Variants in CEMIP observed in about 807,000 individuals in gnomAD.
CEMIP encodes the protein cell migration-inducing and hyaluronan-binding protein.
Under a neutral mutation model 156.9 loss-of-function variants are expected in CEMIP, and 105 were observed. That is an observed-to-expected ratio of 0.67 (90% CI 0.57 to 0.79). The LOEUF is 0.79. Ranked by LOEUF, CEMIP falls within the 30% of genes least tolerant of loss-of-function variation. The pLI, the probability that CEMIP is intolerant of heterozygous loss-of-function variation, is 0.00. For missense variants in CEMIP, 1,457 were observed against 1,769.4 expected, an observed-to-expected ratio of 0.82 and a Z score of 3.17; for synonymous variants, 676 against 668.4, an observed-to-expected ratio of 1.01 and a Z score of -0.17.
At position 80,906,567 on chromosome 15, in the gene CEMIP, G is replaced by A. The variant is rs1485456526; in HGVS notation, c.1412-96G>A. 6 of 1,236,092 alleles carry A rather than the reference G, an allele frequency of 4.9e-6. No homozygotes were observed. The highest frequency in any genetic ancestry group is 1.5e-5 in the African/African-American group (1 of 67,014). 76.6% of individuals were successfully genotyped at this position (1,236,092 alleles called of 1,614,324 possible). ...CACTGTGCACACCAGGCATGGCGAT[G>A]AGTAAGCAGCAGCCATGGAGGCACC... On this transcript the variant is annotated intron_variant, in intron 12 of 29. Transcript: ENST00000394685. This position sits in a 1 kb window ranked among gnomAD's most constrained non-coding sequence, Gnocchi z 4.3.
intron 1 of CEMIP, among the ~76,000 whole-genome samples, chr15:80,840,401 A>G (rs1320599681): frequency 6.6e-6 from 1 of 152,110 alleles, no homozygotes; most frequent in East Asian, 1.9e-4. Context: ...CCTTCCTGGC[A>G]GGGACCCCGG....
At chr15:80,799,150 T>G (rs1896308531) in intron 1 of CEMIP, among the ~76,000 whole-genome samples, 1 of 152,242 alleles carries the variant, frequency 6.6e-6, no homozygotes, top group Non-Finnish European at 1.5e-5. Context: ...ACTTCACAGA[T>G]TCCATCTTAG....
At chr15:80,817,659 G>A (rs1334710750) in intron 1 of CEMIP, among the ~76,000 whole-genome samples, 1 of 149,808 alleles carries the variant, frequency 6.7e-6, no homozygotes, top group Non-Finnish European at 1.5e-5. Flanking sequence ...TAGAAGCAGA[G>A]AGGATTATGG....
chr15:80,823,685 G>A (rs376434325), intron 1 of CEMIP, among the ~76,000 whole-genome samples: 1 of 152,152 alleles, frequency 6.6e-6, no homozygotes, highest in South Asian at 2.1e-4. Context: ...CCAGGTATGG[G>A]TAAATCTTAA....
intron 10 of CEMIP, among the ~76,000 whole-genome samples, chr15:80,890,842 C>G (rs1315935471): frequency 2.0e-5 from 3 of 152,190 alleles, no homozygotes; most frequent in Non-Finnish European, 2.9e-5. Flanking sequence ...AGCCTCTGTT[C>G]TGCACTTAGC....
At chr15:80,819,989 A>T (rs1244293842) in intron 1 of CEMIP, among the ~76,000 whole-genome samples, 1 of 152,202 alleles carries the variant, frequency 6.6e-6, no homozygotes, top group African/African-American at 2.4e-5. Flanking sequence ...TAGACATCTC[A>T]AAGTGGCCAG....
chr15:80,878,440 T>A (rs113582518), intron 3 of CEMIP, among the ~76,000 whole-genome samples: 2 of 152,358 alleles, frequency 1.3e-5, no homozygotes, highest in African/African-American at 4.8e-5. Flanking sequence ...TGAGAAGCCA[T>A]CTGGTCTACG....
rs73499087 is a variant in CEMIP, at chr15:80,817,548, C to T, written c.-176+37934C>T. ...TCCGGGAGGTAGAGGTTGTGGTGAG[C>T]GGTGATTGCATCACTGCACTCCAGC... On this transcript the variant is annotated intron_variant, in intron 1 of 29. Coordinates refer to ENST00000394685, the MANE Select transcript of CEMIP (RefSeq NM_001293298.2). Among the ~76,000 whole-genome samples the T allele has an allele frequency of 6.5e-3, 979 of 151,370 alleles. 9 individuals carry two copies. Among genetic ancestry groups the T allele is most frequent in the African/African-American group, 0.023 (934 of 41,234 alleles).
intron 5 of CEMIP, 42 bp from the exon 6 acceptor site, chr15:80,880,858 G>A: frequency 6.5e-7 from 1 of 1,534,804 alleles, no homozygotes; most frequent in South Asian, 1.1e-5. Context: ...ATCCAGTAAA[G>A]AGATGTGTCA....
At chr15:80,892,203 T>A (rs748597757) in intron 10 of CEMIP, among the ~76,000 whole-genome samples, 1 of 152,066 alleles carries the variant, frequency 6.6e-6, no homozygotes, top group African/African-American at 2.4e-5. Flanking sequence ...TGCACTGACA[T>A]AGCCAGATCC....
chr15:80,788,135 A>G (rs1463697799), intron 1 of CEMIP, among the ~76,000 whole-genome samples: 1 of 152,124 alleles, frequency 6.6e-6, no homozygotes, highest in Non-Finnish European at 1.5e-5. Flanking sequence ...GAGCCCCAAA[A>G]GGAGTGCATA....
In CEMIP at chr15:80,943,033, G is replaced by A; in HGVS notation, c.3788G>A (p.Ser1263Asn). 2 of 1,614,248 alleles carry A rather than the reference G, an allele frequency of 1.2e-6. No individual in the cohort carries two copies. The highest frequency in any genetic ancestry group is 1.7e-6 in the Non-Finnish European group (2 of 1,180,034). ...GNQGRVVSHTSFRNSILQGIP... is the reference protein window; with the variant it reads ...GNQGRVVSHTNFRNSILQGIP... ...CAAGGGCGCGTGGTGAGCCACACGA[G>A]CTTCAGGAACTCCATTCTGCAAGGC... Residue 1263 changes from serine to asparagine, a missense_variant, in exon 28 of 30, where the codon AGC (serine) becomes AAC (asparagine). Ser to Asn is a conservative substitution (Grantham distance 46). This residue lies in a region of CEMIP where 798 missense variants were observed against 980.1 expected (regional missense o/e 0.81). Transcript: ENST00000394685.
chr15:80,824,273 C>T (rs541930537), intron 1 of CEMIP, among the ~76,000 whole-genome samples: 1 of 152,274 alleles, frequency 6.6e-6, no homozygotes, highest in Non-Finnish European at 1.5e-5. Context: ...GCAGTCCAGT[C>T]CACAGCTGCA....
chr15:80,925,718 T>G lies in CEMIP; in HGVS notation c.2383T>G (p.Trp795Gly). The G allele has an allele frequency of 6.2e-7, 1 of 1,613,694 alleles. No individual in the cohort carries two copies. ...CTACAAGAACCAGGACCACGGGGCCTGGCTGCGCGGCGGGGATGTGTGGCT... is the reference window on the plus strand; with the variant it reads ...CTACAAGAACCAGGACCACGGGGCCGGGCTGCGCGGCGGGGATGTGTGGCT... ...IAYKNQDHGA[W>G]LRGGDVWLDS... The change falls in exon 19 of 30, where the codon TGG becomes GGG. Residue 795 changes from tryptophan to glycine, a missense_variant. Physicochemically the swap from Trp to Gly is radical, Grantham distance 184. Around this residue, in one of 5 missense-constraint regions of CEMIP, gnomAD observed 798 missense variants for 980.1 expected, o/e 0.81. Transcript: ENST00000394685.
intron 3 of CEMIP, among the ~76,000 whole-genome samples, chr15:80,875,965 C>T (rs1038190629): frequency 6.6e-6 from 1 of 152,200 alleles, no homozygotes; most frequent in Admixed American, 6.5e-5. Context: ...TCAGACTGAC[C>T]ACCTCCAAAT....
At chr15:80,860,713 C>A (rs868311810) in intron 1 of CEMIP, among the ~76,000 whole-genome samples, 1 of 152,146 alleles carries the variant, frequency 6.6e-6, no homozygotes, top group Non-Finnish European at 1.5e-5. Flanking sequence ...TCCCTTCCCA[C>A]CCCCACCTTG....
chr15:80,848,900 G>GTGCACACACACACACACA (rs10622939), intron 1 of CEMIP, among the ~76,000 whole-genome samples: 2 of 134,576 alleles, frequency 1.5e-5, no homozygotes, highest in African/African-American at 5.9e-5. Flanking sequence ...GTGTGCGCGT[G>GTGCACACACACACACACA]CACACACACA....
chr15:80,862,710 G>A (rs1898018653), intron 1 of CEMIP, among the ~76,000 whole-genome samples: 1 of 152,214 alleles, frequency 6.6e-6, no homozygotes, highest in African/African-American at 2.4e-5. Flanking sequence ...ATGAGGAGCA[G>A]GGGTGGAGAT....
At chr15:80,853,002 CCAGGTGAGT>C in intron 1 of CEMIP, among the ~76,000 whole-genome samples, 1 of 152,288 alleles carries the variant, frequency 6.6e-6, no homozygotes, top group South Asian at 2.1e-4. Flanking sequence ...CCCTGGGATA[CCAGGTGAGT>C]CAGGAGAATG....
Sources: allele counts gnomAD v4.1 joint callset (sites outside exome capture counted in the v4.1 genomes callset), GRCh38; gene constraint gnomAD v4.1.1; regional missense constraint gnomAD v4.1.1; non-coding constraint Gnocchi (gnomAD v3.1); transcripts MANE v1.5; gene names NCBI Gene and HGNC (gene_info 2026-07-23, HGNC 2026-07-21).